Variants in SORCS3 observed in about 807,000 individuals in gnomAD.
SORCS3 encodes the protein VPS10 domain-containing receptor SorCS3.
SORCS3 carries 57 observed loss-of-function variants against 146.3 expected under a neutral mutation model. That is an observed-to-expected ratio of 0.39 (90% CI 0.31 to 0.49). The LOEUF is 0.49. SORCS3 is among the 20% of genes least tolerant of loss of function. The probability of loss-of-function intolerance (pLI) is 0.92; values close to 1 mark genes in which losing one functional copy is unlikely to be tolerated. For missense variants in SORCS3, 1,341 were observed against 1,575.5 expected, an observed-to-expected ratio of 0.85 and a Z score of 2.52; for synonymous variants, 653 against 618.5, an observed-to-expected ratio of 1.06 and a Z score of -0.83.
intron 1 of SORCS3, among the ~76,000 whole-genome samples, chr10:104,828,882 C>T (rs1184028244): frequency 6.6e-6 from 1 of 152,156 alleles, no homozygotes; most frequent in Non-Finnish European, 1.5e-5. Flanking sequence ...ATTTCAAAGC[C>T]ACCTTGAGCT....
chr10:104,987,380 T>A (rs2054968518), intron 4 of SORCS3, among the ~76,000 whole-genome samples: 1 of 152,196 alleles, frequency 6.6e-6, no homozygotes, highest in African/African-American at 2.4e-5. Context: ...ATTGCTTTCA[T>A]AATTAAAAAT....
chr10:105,181,549 A>G (rs1242867984), intron 14 of SORCS3, among the ~76,000 whole-genome samples: 1 of 152,178 alleles, frequency 6.6e-6, no homozygotes, highest in Non-Finnish European at 1.5e-5. Context: ...GAACATGGAC[A>G]TTTCTAACAC....
At chr10:104,782,029 T>C (rs147470667) in intron 1 of SORCS3, among the ~76,000 whole-genome samples, 1 of 152,250 alleles carries the variant, frequency 6.6e-6, no homozygotes, top group African/African-American at 2.4e-5. Flanking sequence ...TGTTTTGGTG[T>C]GCATGTGTAC....
At chr10:105,103,024 G>C (rs1046131228) in intron 6 of SORCS3, among the ~76,000 whole-genome samples, 1 of 151,754 alleles carries the variant, frequency 6.6e-6, no homozygotes, top group Admixed American at 6.6e-5. Flanking sequence ...TCCTGACCTC[G>C]TGATCCACCC....
intron 3 of SORCS3, among the ~76,000 whole-genome samples, chr10:104,940,229 TA>T (rs2019301406): frequency 7.0e-4 from 12 of 17,060 alleles, no homozygotes; most frequent in African/African-American, 1.3e-3. Context: ...TATATATATA[TA>T]TATATATATT....
intron 4 of SORCS3, among the ~76,000 whole-genome samples, chr10:105,015,021 T>A (rs910387333): frequency 4.6e-5 from 7 of 152,150 alleles, no homozygotes; most frequent in African/African-American, 1.7e-4. Context: ...AAAATTAACA[T>A]GAAAAAAGGC....
intron 3 of SORCS3, among the ~76,000 whole-genome samples, chr10:104,975,157 A>G (rs1371451193): frequency 6.6e-6 from 1 of 151,550 alleles, no homozygotes; most frequent in Non-Finnish European, 1.5e-5. Flanking sequence ...ATATCTAGAA[A>G]ACCCCATTGT....
At chr10:104,872,008 A>G (rs534616738) in intron 2 of SORCS3, among the ~76,000 whole-genome samples, 15 of 152,286 alleles carry the variant, frequency 9.8e-5, no homozygotes, top group African/African-American at 3.6e-4. Flanking sequence ...TACTCTGCTC[A>G]CACTGACCCA....
intron 2 of SORCS3, among the ~76,000 whole-genome samples, chr10:104,844,355 A>C (rs1345857332): frequency 6.6e-6 from 1 of 152,138 alleles, no homozygotes; most frequent in Non-Finnish European, 1.5e-5. Context: ...AACAAGCCAG[A>C]AAATTCTATC....
At chr10:104,707,462 C>T (rs1430579464) in intron 1 of SORCS3, among the ~76,000 whole-genome samples, 1 of 152,108 alleles carries the variant, frequency 6.6e-6, no homozygotes, top group Non-Finnish European at 1.5e-5. Flanking sequence ...CCTCACTGAA[C>T]CAGACTCTCT....
Position 105,252,969 on chromosome 10 carries a change from G to A in SORCS3, c.3237+63G>A, listed in dbSNP as rs572578489. The A allele has an allele frequency of 1.9e-5, 29 of 1,560,864 alleles. No individual in the cohort carries two copies. In the Admixed American group the frequency reaches 3.6e-4, roughly 20 times the overall value. Reference sequence around the variant, plus strand: ...ACCCTACACCCTGAGAGGGCACAAAGCTGTTTTCAGCCAGAAAGGGAGACA... The same window carrying A: ...ACCCTACACCCTGAGAGGGCACAAAACTGTTTTCAGCCAGAAAGGGAGACA... On this transcript the variant is annotated intron_variant, in intron 23 of 26. Coordinates refer to ENST00000369701, the MANE Select transcript of SORCS3 (RefSeq NM_014978.3).
At chr10:105,037,844 T>C (rs1256368967) in intron 4 of SORCS3, among the ~76,000 whole-genome samples, 4 of 152,216 alleles carry the variant, frequency 2.6e-5, no homozygotes, top group Admixed American at 1.3e-4. Context: ...CTCATATTAT[T>C]CTTTGAACAG....
chr10:105,195,209 T>C (rs2056537422), intron 14 of SORCS3, among the ~76,000 whole-genome samples: 1 of 152,254 alleles, frequency 6.6e-6, no homozygotes, highest in Admixed American at 6.5e-5. Context: ...AGAAGTGTGC[T>C]GTACCTATTT....
chr10:104,809,869 G>A (rs1771085141), intron 1 of SORCS3, among the ~76,000 whole-genome samples: 1 of 152,204 alleles, frequency 6.6e-6, no homozygotes, highest in African/African-American at 2.4e-5. Flanking sequence ...GCCTGTTAGT[G>A]GTGAAAGTGA....
intron 1 of SORCS3, among the ~76,000 whole-genome samples, chr10:104,837,110 T>C (rs950611210): frequency 1.3e-5 from 2 of 152,204 alleles, no homozygotes; most frequent in African/African-American, 4.8e-5. Context: ...TATTTATAAT[T>C]CATCCAAAGG....
At chr10:105,049,463 A>G (rs189752187) in intron 5 of SORCS3, among the ~76,000 whole-genome samples, 1 of 152,136 alleles carries the variant, frequency 6.6e-6, no homozygotes, top group Admixed American at 6.6e-5. Flanking sequence ...TTAACCCTCC[A>G]TCTATCACCC....
intron 6 of SORCS3, among the ~76,000 whole-genome samples, chr10:105,094,340 G>C (rs2055731181): frequency 6.6e-6 from 1 of 152,166 alleles, no homozygotes; most frequent in Non-Finnish European, 1.5e-5. Context: ...AAAACTCACT[G>C]TGTGTACATT....
chr10:104,681,982 C>A (rs2015982913), intron 1 of SORCS3, among the ~76,000 whole-genome samples: 1 of 152,088 alleles, frequency 6.6e-6, no homozygotes, highest in Non-Finnish European at 1.5e-5. Flanking sequence ...AATGATTTAT[C>A]TATTGATTGC....
chr10:104,728,545 C>T (rs938670024), intron 1 of SORCS3, among the ~76,000 whole-genome samples: 5 of 152,224 alleles, frequency 3.3e-5, no homozygotes, highest in Non-Finnish European at 5.9e-5. Flanking sequence ...GAGAGTAGAA[C>T]GATTAGGTGA....
Sources: allele counts gnomAD v4.1 joint callset (sites outside exome capture counted in the v4.1 genomes callset), GRCh38; gene constraint gnomAD v4.1.1; transcripts MANE v1.5; gene names NCBI Gene and HGNC (gene_info 2026-07-23, HGNC 2026-07-21).